The following MDM4 variants were observed in gnomAD, a reference collection of about 807,000 sequenced individuals.
MDM4 encodes MDM4 regulator of p53, also known as protein Mdm4.
MDM4 carries 2 observed loss-of-function variants against 60.2 expected under a neutral mutation model. The observed-to-expected ratio is 0.03, with a 90% CI of 0.01 to 0.10. The LOEUF (loss-of-function observed/expected upper bound fraction) is 0.10, where lower values mean the gene tolerates loss of function less well. MDM4 is among the 10% of genes least tolerant of loss of function. The pLI, the probability that MDM4 is intolerant of heterozygous loss-of-function variation, is 1.00. For synonymous variants in MDM4, 202 were observed against 198.1 expected (o/e 1.02, Z -0.17); for missense variants, 447 against 577.5 (o/e 0.77, Z 2.32).
chr1:204,539,976 G>A (rs995170506), intron 7 of MDM4, among the ~76,000 whole-genome samples: 2 of 152,062 alleles, frequency 1.3e-5, no homozygotes, highest in Non-Finnish European at 2.9e-5. Flanking sequence ...TGTACAAGGT[G>A]TACATGAAAA....
At chr1:204,529,386 G>T in intron 3 of MDM4, 1 of 1,054,232 alleles carries the variant, frequency 9.5e-7, no homozygotes. Context: ...ATGAGGCCTG[G>T]GCTGCTGGGC....
intron 10 of MDM4, among the ~76,000 whole-genome samples, chr1:204,547,937 G>T (rs4252735): frequency 6.6e-6 from 1 of 152,188 alleles, no homozygotes; most frequent in Admixed American, 6.5e-5. Flanking sequence ...GGTCAGGCTG[G>T]TCTTGAACTT....
chr1:204,536,039 A>G (rs1661380926), intron 5 of MDM4, among the ~76,000 whole-genome samples: 1 of 152,044 alleles, frequency 6.6e-6, no homozygotes, highest in African/African-American at 2.4e-5. Context: ...AGGCGGGTGG[A>G]TCACAAAGTC....
rs1380917471 is a variant in MDM4 at position 204,525,230 on chromosome 1, A to G, written c.-35-254A>G. 1.6e-5 allele frequency: 8 copies of G among 510,066 alleles called. No homozygotes were observed. The East Asian group carries it at 1.0e-3, about 66-fold the overall frequency. The allele number at this position is 510,066 out of a possible 1,614,324, so 31.6% of individuals were successfully genotyped here. A position where few individuals can be genotyped will look rare whatever the true frequency, so the allele number is the denominator to read the frequency against. ...CTGATTAACATCAGTTGGAGGTTGG[A>G]GCGTGCCTGAAACTGTTACTGTTTC... On this transcript the variant is annotated intron_variant, in intron 1 of 10. Transcript: ENST00000367182.
At chr1:204,543,404 G>T (rs1484400273) in intron 8 of MDM4, among the ~76,000 whole-genome samples, 1 of 152,168 alleles carries the variant, frequency 6.6e-6, no homozygotes, top group Non-Finnish European at 1.5e-5. Flanking sequence ...AACTGATTCA[G>T]CCCCCTCCTT....
intron 5 of MDM4, among the ~76,000 whole-genome samples, chr1:204,535,742 G>A (rs1480136397): frequency 6.6e-6 from 1 of 150,658 alleles, no homozygotes; most frequent in Non-Finnish European, 1.5e-5. Context: ...CAGGCTGGTG[G>A]GTTGCCCAGG....
At chr1:204,530,889 A>G (rs766565252) in intron 4 of MDM4, 72 bp downstream of exon 4, 33 of 1,585,090 alleles carry the variant, frequency 2.1e-5, no homozygotes, top group African/African-American at 1.4e-5. Flanking sequence ...TGGGTTATTA[A>G]TATTTATTAC....
At chr1:204,523,473 ATTT>A (rs60954516) in intron 1 of MDM4, among the ~76,000 whole-genome samples, 117 of 58,962 alleles carry the variant, frequency 2.0e-3, no homozygotes, top group African/African-American at 8.0e-3. Flanking sequence ...CCTAAAAAAA[ATTT>A]TTTTTTTTTT....
chr1:204,543,463 A>G (rs1662339095), intron 8 of MDM4, among the ~76,000 whole-genome samples: 1 of 152,214 alleles, frequency 6.6e-6, no homozygotes, highest in African/African-American at 2.4e-5. Flanking sequence ...TTTTGGATAT[A>G]CTAGGCTCCT....
Position 204,555,989 on chromosome 1 carries a change from C to T in MDM4, c.*6307C>T, listed in dbSNP as rs538198402. 4.7e-6 allele frequency: 1 copy of T among 210,630 alleles called. No individual in the cohort carries two copies. Among genetic ancestry groups the T allele is most frequent in the Non-Finnish European group, 9.6e-6 (1 of 104,008 alleles). The allele number at this position is 210,630 out of a possible 1,614,324, so 13.0% of individuals were successfully genotyped here. On this transcript the variant is annotated 3_prime_UTR_variant, in exon 11 of 11. Transcript: ENST00000367182. ...ACAAATATTTCTGATCAGATAGTCC[C>T]CTGTCAACAGTAGCAAATGTGGTTT...
chr1:204,547,965 G>A (rs1207575716), intron 10 of MDM4, among the ~76,000 whole-genome samples: 4 of 152,226 alleles, frequency 2.6e-5, no homozygotes, highest in Non-Finnish European at 5.9e-5. Context: ...CAGGTGATCC[G>A]CCCGCCTCAG....
At chr1:204,517,683 T>A (rs1449232547) in intron 1 of MDM4, among the ~76,000 whole-genome samples, 1 of 152,106 alleles carries the variant, frequency 6.6e-6, no homozygotes, top group African/African-American at 2.4e-5. Flanking sequence ...ATTACAGGCG[T>A]GAGCCACCGT....
At position 204,549,618 on chromosome 1, in the gene MDM4, C is replaced by T. The variant is rs1052644; in HGVS notation, c.1409C>T (p.Ala470Val). 11 of 1,602,586 alleles carry T rather than the reference C, an allele frequency of 6.9e-6. No homozygotes were observed. The highest frequency in any genetic ancestry group is 9.3e-6 in the Non-Finnish European group (11 of 1,177,050). ...CACTGTGCCAGAAGACTAAAGAAGGCTGGGGCTTCATGCCCTATTTGCAAG... is the reference window on the plus strand; with the variant it reads ...CACTGTGCCAGAAGACTAAAGAAGGTTGGGGCTTCATGCCCTATTTGCAAG... ...CFHCARRLKKAGASCPICKKE... is the reference protein window; with the variant it reads ...CFHCARRLKKVGASCPICKKE... Residue 470 changes from alanine to valine, a missense_variant, in exon 11 of 11, where the codon GCT becomes GTT. Transcript: ENST00000367182.
intron 1 of MDM4, among the ~76,000 whole-genome samples, chr1:204,520,229 G>C (rs1403400008): frequency 7.0e-6 from 1 of 142,806 alleles, no homozygotes; most frequent in Non-Finnish European, 1.5e-5. Context: ...AGTGAGGGGA[G>C]ATCTCGCCAC....
At chr1:204,518,249 G>A (rs1346406881) in intron 1 of MDM4, among the ~76,000 whole-genome samples, 1 of 152,204 alleles carries the variant, frequency 6.6e-6, no homozygotes. Flanking sequence ...GAAACTCCTG[G>A]ACTCTAGGGA....
chr1:204,526,467 GTTT>G (rs200388119), intron 3 of MDM4, 33 bp downstream of exon 3: 135 of 1,184,914 alleles, frequency 1.1e-4, no homozygotes, highest in Middle Eastern at 2.7e-4. Context: ...CATTTTTTTT[GTTT>G]TTTTTTTTTT....
At chr1:204,543,649 A>G (rs551685931) in intron 8 of MDM4, among the ~76,000 whole-genome samples, 1 of 152,308 alleles carries the variant, frequency 6.6e-6, no homozygotes, top group East Asian at 1.9e-4. Context: ...ATTATGTTAC[A>G]CAGTTCCAGT....
chr1:204,546,870 C>T lies in MDM4; in HGVS notation c.896C>T (p.Thr299Ile), dbSNP rs763141402. 7.5e-6 allele frequency: 12 copies of T among 1,603,844 alleles called. No individual in the cohort carries two copies. Among genetic ancestry groups the T allele is most frequent in the Non-Finnish European group, 9.4e-6 (11 of 1,171,512 alleles). ...AGTGATGATACCGATGTAGAGGTTA[C>T]CTCTGAGGTATGAATCTTTAGCAAG... The part of the protein sequence containing the change: ...SLSDDTDVEV[T>I]SEDEWQCTEC... The change falls in exon 10 of 11, where the codon ACC becomes ATC. Residue 299 changes from threonine to isoleucine, a missense_variant. By Grantham distance (89) the Thr-to-Ile change is moderately conservative. Coordinates refer to ENST00000367182, the MANE Select transcript of MDM4 (RefSeq NM_002393.5).
chr1:204,534,244 C>T (rs888962170), intron 5 of MDM4, among the ~76,000 whole-genome samples: 4 of 152,174 alleles, frequency 2.6e-5, no homozygotes, highest in African/African-American at 9.7e-5. Flanking sequence ...GAGTGAAGAT[C>T]CTGCAAATGA....
Sources: allele counts gnomAD v4.1 joint callset (sites outside exome capture counted in the v4.1 genomes callset), GRCh38; gene constraint gnomAD v4.1.1; transcripts MANE v1.5; gene names NCBI Gene and HGNC (gene_info 2026-07-23, HGNC 2026-07-21).